ASTN2: variants seen among roughly 807,000 people sequenced by gnomAD.
ASTN2 encodes the protein astrotactin 2.
ASTN2 carries 54 observed loss-of-function variants against 139.8 expected under a neutral mutation model. That is an observed-to-expected ratio of 0.39 (90% confidence interval 0.31 to 0.48). The LOEUF (loss-of-function observed/expected upper bound fraction) is 0.48. ASTN2 is among the 20% of genes least tolerant of loss of function. ASTN2 has a pLI of 0.95. For synonymous variants in ASTN2, 756 were observed against 719.5 expected, an observed-to-expected ratio of 1.05 and a Z score of -0.81; for missense variants, 1,565 against 1,725.1, an observed-to-expected ratio of 0.91 and a Z score of 1.64.
chr9:116,633,903 T>C (rs1856930418), intron 17 of ASTN2, among the ~76,000 whole-genome samples: 1 of 152,194 alleles, frequency 6.6e-6, no homozygotes, highest in Non-Finnish European at 1.5e-5. Flanking sequence ...GGTAGATTCT[T>C]ATCAGCTTTA....
chr9:116,977,712 T>C, intron 7 of ASTN2, among the ~76,000 whole-genome samples: 1 of 70,638 alleles, frequency 1.4e-5, no homozygotes, highest in African/African-American at 4.5e-5. Context: ...AGAATTTCTT[T>C]TTCTTTTTTT....
At chr9:116,646,169 A>T (rs911689775) in intron 17 of ASTN2, among the ~76,000 whole-genome samples, 8 of 152,224 alleles carry the variant, frequency 5.3e-5, no homozygotes, top group African/African-American at 1.7e-4. Context: ...AAGAACCTGT[A>T]CTATCTGCTT....
chr9:116,755,991 A>G (rs1380057729), intron 13 of ASTN2, among the ~76,000 whole-genome samples: 1 of 152,230 alleles, frequency 6.6e-6, no homozygotes, highest in Non-Finnish European at 1.5e-5. Flanking sequence ...ACAAGACTCA[A>G]TTTGGTTGTT....
intron 3 of ASTN2, among the ~76,000 whole-genome samples, chr9:117,158,394 A>G (rs1157074064): frequency 6.6e-6 from 1 of 152,098 alleles, no homozygotes; most frequent in Non-Finnish European, 1.5e-5. Context: ...TAATTTTCCC[A>G]TTTGGAATGC....
At chr9:117,063,602 G>C (rs1377789994) in intron 5 of ASTN2, among the ~76,000 whole-genome samples, 1 of 152,078 alleles carries the variant, frequency 6.6e-6, no homozygotes, top group Non-Finnish European at 1.5e-5. Context: ...CAAGTCTAGG[G>C]TATATCTTTA....
chr9:117,332,371 G>T (rs1564150940), intron 1 of ASTN2, among the ~76,000 whole-genome samples: 2 of 152,100 alleles, frequency 1.3e-5, no homozygotes, highest in Non-Finnish European at 1.5e-5. Context: ...AGGAGTTCAA[G>T]ACCAGCCTGG....
At chr9:116,753,663 T>A (rs1829459303) in intron 13 of ASTN2, among the ~76,000 whole-genome samples, 1 of 152,174 alleles carries the variant, frequency 6.6e-6, no homozygotes, top group African/African-American at 2.4e-5. Flanking sequence ...AACATAAAAC[T>A]GCCTTAAAAA....
intron 16 of ASTN2, among the ~76,000 whole-genome samples, chr9:116,708,308 T>A (rs1436812417): frequency 1.3e-5 from 2 of 152,220 alleles, no homozygotes; most frequent in Non-Finnish European, 2.9e-5. Flanking sequence ...GGCTCCCATA[T>A]CAAATATTAT....
intron 1 of ASTN2, among the ~76,000 whole-genome samples, chr9:117,365,234 CAAGA>C (rs1829805958): frequency 2.1e-5 from 2 of 96,256 alleles, no homozygotes; most frequent in East Asian, 2.9e-4. Context: ...AAAAAGAAAG[CAAGA>C]AAGAAAGAGA....
intron 4 of ASTN2, among the ~76,000 whole-genome samples, chr9:117,117,873 G>T (rs566253537): frequency 2.6e-5 from 4 of 152,062 alleles, no homozygotes; most frequent in Non-Finnish European, 5.9e-5. Flanking sequence ...TTCCCAGGGT[G>T]AACTTCGCAG....
rs948448313 is a variant in ASTN2 at position 116,722,146 on chromosome 9, T to C, written c.2806+3625A>G. Among the ~76,000 whole-genome samples the C allele has an allele frequency of 5.9e-5, 9 of 152,214 alleles. No homozygotes were observed. In the South Asian group the frequency reaches 1.9e-3, roughly 32 times the overall value. ...CTGTCTACCAGTGGATTTTTAAAAG[T>C]CTGTAACAAAAATGATGAAATATTG... On this transcript the variant is annotated intron_variant, in intron 16 of 22. Transcript: ENST00000313400.
At chr9:117,398,177 T>G (rs1437529138) in intron 1 of ASTN2, among the ~76,000 whole-genome samples, 3 of 152,330 alleles carry the variant, frequency 2.0e-5, no homozygotes, top group Middle Eastern at 3.4e-3. Flanking sequence ...TGAGATAGTT[T>G]CAGGGGCCTG....
At chr9:117,074,739 A>T (rs189226126) in intron 5 of ASTN2, among the ~76,000 whole-genome samples, 1 of 152,296 alleles carries the variant, frequency 6.6e-6, no homozygotes, top group East Asian at 1.9e-4. Flanking sequence ...ACCTCTTTCA[A>T]TCCTAACTAT....
chr9:117,322,677 C>T (rs750729358), intron 1 of ASTN2, among the ~76,000 whole-genome samples: 3 of 152,100 alleles, frequency 2.0e-5, no homozygotes, highest in Non-Finnish European at 4.4e-5. Flanking sequence ...GGGAGGTGCA[C>T]CTTGCTGCTT....
intron 4 of ASTN2, among the ~76,000 whole-genome samples, chr9:117,103,098 C>T (rs565563089): frequency 6.6e-6 from 1 of 152,128 alleles, no homozygotes; most frequent in Non-Finnish European, 1.5e-5. Flanking sequence ...CACATGTTCA[C>T]CTAAAATCAT....
At chr9:117,145,914 A>G (rs1830183712) in intron 3 of ASTN2, among the ~76,000 whole-genome samples, 1 of 151,970 alleles carries the variant, frequency 6.6e-6, no homozygotes, top group South Asian at 2.1e-4. Flanking sequence ...AAGCTGATAC[A>G]GATTTGAGTG....
intron 10 of ASTN2, among the ~76,000 whole-genome samples, chr9:116,899,793 G>A (rs1476873732): frequency 2.0e-5 from 3 of 152,130 alleles, no homozygotes; most frequent in African/African-American, 7.2e-5. Context: ...GAGATCACAG[G>A]ATTCCTAACC....
At position 117,398,111 on chromosome 9, in the gene ASTN2, T is replaced by C. The variant is rs144738444; in HGVS notation, c.442+16386A>G. On this transcript the variant is annotated intron_variant, in intron 1 of 22. Transcript: ENST00000313400. Reference sequence around the variant, plus strand: ...GTGTGTGTGTGTGCATCTTTATGTGTAAATCAAGCAAAGGAAAATAAAAAA... The same window carrying C: ...GTGTGTGTGTGTGCATCTTTATGTGCAAATCAAGCAAAGGAAAATAAAAAA... Among the ~76,000 whole-genome samples, 358 of 152,308 alleles carry C rather than the reference T, an allele frequency of 2.4e-3. 2 individuals are homozygous for C. The highest frequency in any genetic ancestry group is 8.2e-3 in the African/African-American group (339 of 41,560).
chr9:117,042,042 A>G (rs1402853233), intron 5 of ASTN2, among the ~76,000 whole-genome samples: 1 of 152,180 alleles, frequency 6.6e-6, no homozygotes, highest in African/African-American at 2.4e-5. Flanking sequence ...TAAATAGCAC[A>G]GTGACTGGCT....
Sources: gnomAD v4.1 joint callset for allele counts (sites outside exome capture counted in the v4.1 genomes callset) on GRCh38, gnomAD v4.1.1 for gene constraint, MANE v1.5 for transcripts, NCBI Gene and HGNC (gene_info 2026-07-23, HGNC 2026-07-21) for gene names.